HECTD3: variants seen among roughly 807,000 people sequenced by gnomAD.
The protein encoded by HECTD3 is E3 ubiquitin-protein ligase HECTD3.
A neutral mutation model predicts 109.3 loss-of-function variants in HECTD3; 72 were observed. That is an observed-to-expected ratio of 0.66 (90% CI 0.54 to 0.80). HECTD3 has a LOEUF of 0.80. Ranked by LOEUF, HECTD3 falls within the 30% of genes least tolerant of loss-of-function variation. The pLI is 0.00. For missense variants in HECTD3, 1,041 were observed against 1,165.2 expected, an observed-to-expected ratio of 0.89 and a Z score of 1.55; for synonymous variants, 481 against 471.8, an observed-to-expected ratio of 1.02 and a Z score of -0.25.
At chr1:45,009,959 TG>T in intron 4 of HECTD3, 26 bp downstream of exon 4, 1 of 1,517,902 alleles carries the variant, frequency 6.6e-7, no homozygotes, top group South Asian at 1.3e-5. Flanking sequence ...ATATCTTGCC[TG>T]GGGTGGGAGG....
Position 45,007,490 on chromosome 1 carries a change from T to C in HECTD3, c.1426A>G (p.Ile476Val), listed in dbSNP as rs1486298093. The C allele has an allele frequency of 1.2e-6, 2 of 1,614,046 alleles. No individual in the cohort carries two copies. The highest frequency in any genetic ancestry group is 1.1e-5 in the South Asian group (1 of 91,074). Residue 476 changes from isoleucine (I) to valine (V), a missense_variant, in exon 10 of 21, where the codon ATC becomes GTC. Physicochemically the swap from Ile to Val is conservative, Grantham distance 29. Around this residue, in one of 2 missense-constraint regions of HECTD3, gnomAD observed 569 missense variants for 715.3 expected, o/e 0.80. Transcript: ENST00000372172. Reference sequence around the variant, plus strand: ...TGTTCCATGGCAAGACGGCGGTTGATGTATAGGCGTGGCATGAAGCTGGGC... The same window carrying C: ...TGTTCCATGGCAAGACGGCGGTTGACGTATAGGCGTGGCATGAAGCTGGGC... ...SKPSFMPRLY[I>V]NRRLAMEHRA...
rs1253824085 is a variant in HECTD3, at chr1:45,008,626, T to C, written c.1148A>G (p.Asp383Gly). 6 of 1,613,918 alleles carry C rather than the reference T, an allele frequency of 3.7e-6. No homozygotes were observed. The South Asian group carries it at 5.5e-5, about 15-fold the overall frequency. Residue 383 changes from aspartate to glycine, a missense_variant, in exon 8 of 21, where the codon GAC (aspartate) becomes GGC (glycine). Around this residue, in one of 2 missense-constraint regions of HECTD3, gnomAD observed 569 missense variants for 715.3 expected, o/e 0.80. Coordinates refer to ENST00000372172, the MANE Select transcript of HECTD3 (RefSeq NM_024602.6). ...CACCAGACTAGTTGGCTGGAACAGGTCTGCATTCAACCCTAGTTCCCGCTG... is the reference window on the plus strand; with the variant it reads ...CACCAGACTAGTTGGCTGGAACAGGCCTGCATTCAACCCTAGTTCCCGCTG... ...SRQRELGLNA[D>G]LFQPTSLVRY...
At position 45,010,204 on chromosome 1, in the gene HECTD3, A is replaced by C; in HGVS notation, c.620T>G (p.Leu207Arg). 6.2e-7 allele frequency: 1 copy of C among 1,613,920 alleles called. No homozygotes were observed. Among genetic ancestry groups the C allele is most frequent in the Non-Finnish European group, 8.5e-7 (1 of 1,179,970 alleles). The change falls in exon 3 of 21, where the codon CTA (leucine) becomes CGA (arginine). Residue 207 changes from leucine to arginine, a missense_variant. Transcript: ENST00000372172. ...CACCCCATTCCAGCTCACTCACAGT[A>C]GCCTTTGTACAGCTTCTGCGTATGC... ...AEAYAEAVQR[L>R]LYVPPTWTYE...
chr1:45,006,011 C>A lies in HECTD3; in HGVS notation c.1831G>T (p.Gly611Cys). 6.2e-7 allele frequency: 1 copy of A among 1,614,036 alleles called. No individual in the cohort carries two copies. The highest frequency in any genetic ancestry group is 8.5e-7 in the Non-Finnish European group (1 of 1,179,956). ...AGGCTACTCACCAGGAACTCCTTAC[C>A]CCGAAGGGCAGCCCCCATCAGCTGT... ...IGQLMGAALR[G>C]KEFLVLALPG... Residue 611 changes from glycine (G) to cysteine (C), a missense_variant, in exon 14 of 21, where the codon GGT (glycine) becomes TGT (cysteine). Transcript: ENST00000372172. The surrounding 1 kb of genome is among the most constrained non-coding windows in gnomAD (Gnocchi z 4.7).
chr1:45,005,693 G>T, intron 15 of HECTD3, 101 bp downstream of exon 15: 1 of 913,118 alleles, frequency 1.1e-6, no homozygotes, highest in Non-Finnish European at 1.7e-6. Flanking sequence ...GATTGGAGAG[G>T]GATCTTGTGT....
Position 45,005,862 on chromosome 1 carries a change from C to T in HECTD3, c.1867G>A (p.Val623Met). The T allele has an allele frequency of 1.9e-6, 3 of 1,608,896 alleles. No homozygotes were observed. Among genetic ancestry groups the T allele is most frequent in the Non-Finnish European group, 2.5e-6 (3 of 1,177,286 alleles). The change falls in exon 15 of 21, where the codon GTG becomes ATG. Residue 623 changes from valine (V) to methionine (M), a missense_variant. Val to Met is a conservative substitution (Grantham distance 21, BLOSUM62 1). Around this residue, in one of 2 missense-constraint regions of HECTD3, gnomAD observed 569 missense variants for 715.3 expected, o/e 0.80. Transcript: ENST00000372172. ...TCCTCACCAGAAAGCTGCTTCCACA[C>T]AAAACCAGGCAGGGCCAGGACCTGT... Reference protein sequence around the residue: ...EFLVLALPGFVWKQLSGEEVS... With the variant: ...EFLVLALPGFMWKQLSGEEVS...
intron 16 of HECTD3, 36 bp from the exon 17 acceptor site, chr1:45,004,413 G>A (rs374244630): frequency 3.0e-5 from 48 of 1,613,306 alleles, no homozygotes; most frequent in Middle Eastern, 1.6e-4. Context: ...CTGGGGAAGA[G>A]GGCACACCTC....
intron 2 of HECTD3, 77 bp from the exon 3 acceptor site, chr1:45,010,370 T>C: frequency 6.8e-7 from 1 of 1,477,638 alleles, no homozygotes; most frequent in South Asian, 1.1e-5. Flanking sequence ...CGTGTAGCCT[T>C]CTTCAGGGCT....
Position 45,004,104 on chromosome 1 carries a change from G to C in HECTD3, c.2303C>G (p.Ser768Trp), listed in dbSNP as rs1644713814. 6.2e-7 allele frequency: 1 copy of C among 1,613,928 alleles called. No individual in the cohort carries two copies. The highest frequency in any genetic ancestry group is 1.3e-5 in the African/African-American group (1 of 74,894). The change falls in exon 18 of 21, where the codon TCG (serine) becomes TGG (tryptophan). Residue 768 changes from serine to tryptophan, a missense_variant. Physicochemically the swap from Ser to Trp is radical, Grantham distance 177 (BLOSUM62 -3). Around this residue, in one of 2 missense-constraint regions of HECTD3, gnomAD observed 569 missense variants for 715.3 expected, o/e 0.80. Coordinates refer to ENST00000372172, the MANE Select transcript of HECTD3 (RefSeq NM_024602.6). The stretch of plus-strand genomic sequence containing the variant: ...TGCCTCCCAGAAATACTGCACCCGC[G>C]AGTCAGATGGCTCGAAGTCCTCAAA... ...TRFEDFEPSDSRVQYFWEALN... is the reference protein window; with the variant it reads ...TRFEDFEPSDWRVQYFWEALN...
At chr1:45,010,414 G>A (rs373473268) in intron 2 of HECTD3, 121 bp from the exon 3 acceptor site, 2 of 1,458,108 alleles carry the variant, frequency 1.4e-6, no homozygotes, top group East Asian at 2.3e-5. Context: ...CCCCCTTCAC[G>A]TCCCGCCCCT....
chr1:45,010,237 G>T lies in HECTD3; in HGVS notation c.587C>A (p.Pro196Gln), dbSNP rs375183481. The T allele has an allele frequency of 1.7e-5, 27 of 1,613,786 alleles. No homozygotes were observed. The highest frequency in any genetic ancestry group is 1.7e-5 in the Non-Finnish European group (20 of 1,179,970). The change falls in exon 3 of 21, where the codon CCG (proline) becomes CAG (glutamine). Residue 196 changes from proline to glutamine, a missense_variant. Coordinates refer to ENST00000372172, the MANE Select transcript of HECTD3 (RefSeq NM_024602.6). ...TACAGCTTCTGCGTATGCCTCTGCC[G>T]GCTGAGGTCTCGATCCCAGGCGATG... Reference protein sequence around the residue: ...YSHRLGSRPQPAEAYAEAVQR... With the variant: ...YSHRLGSRPQQAEAYAEAVQR...
chr1:45,004,498 A>G, intron 16 of HECTD3, 102 bp downstream of exon 16: 2 of 1,589,698 alleles, frequency 1.3e-6, no homozygotes, highest in South Asian at 2.2e-5. Flanking sequence ...TGGGGGCCAG[A>G]GTTCTTGGAG....
Position 45,006,682 on chromosome 1 carries a change from C to T in HECTD3, c.1725+10G>A, listed in dbSNP as rs760830076. The T allele has an allele frequency of 4.8e-5, 77 of 1,605,798 alleles. No homozygotes were observed. Among genetic ancestry groups the T allele is most frequent in the Admixed American group, 1.2e-4 (7 of 59,110 alleles). On this transcript the variant is annotated intron_variant, in intron 13 of 20. Coordinates refer to ENST00000372172, the MANE Select transcript of HECTD3 (RefSeq NM_024602.6). This position sits in a 1 kb window ranked among gnomAD's most constrained non-coding sequence, Gnocchi z 4.7. ...CCTGGGAGGTTTGCAGAGATGGAAACGGAGATTACCTGGTTGGCTGTGCGT... is the reference window on the plus strand; with the variant it reads ...CCTGGGAGGTTTGCAGAGATGGAAATGGAGATTACCTGGTTGGCTGTGCGT...
In HECTD3 at chr1:45,008,417, G is replaced by T. The variant is rs763393560; in HGVS notation, c.1239-96C>A. On this transcript the variant is annotated intron_variant, in intron 8 of 20. Coordinates refer to ENST00000372172, the MANE Select transcript of HECTD3 (RefSeq NM_024602.6). ...AGGGACAGGAAAAGGCAGGACCTGG[G>T]GGCTTCTCTGACCCTTGAACAGCTT... 6 of 1,483,532 alleles carry T rather than the reference G, an allele frequency of 4.0e-6. No individual in the cohort carries two copies. In the African/African-American group the frequency reaches 8.3e-5, roughly 21 times the overall value. The allele number at this position is 1,483,532 out of a possible 1,614,324, so 91.9% of individuals were successfully genotyped here. A position where few individuals can be genotyped will look rare whatever the true frequency, so the allele number is the denominator to read the frequency against.
intron 7 of HECTD3, 33 bp downstream of exon 7, chr1:45,009,111 C>A (rs1322842561): frequency 6.5e-7 from 1 of 1,546,814 alleles, no homozygotes; most frequent in African/African-American, 1.4e-5. Context: ...CCACGCCGGG[C>A]TCTCTTTCCC....
chr1:45,008,147 C>T (rs1196790365), intron 9 of HECTD3, 93 bp downstream of exon 9: 7 of 982,384 alleles, frequency 7.1e-6, no homozygotes, highest in Non-Finnish European at 1.1e-5. Flanking sequence ...AGGTCTTGCC[C>T]TAGAGTAGAT....
Position 45,003,633 on chromosome 1 carries a change from C to T in HECTD3, c.2501+36G>A, listed in dbSNP as rs1644709761. On this transcript the variant is annotated intron_variant, in intron 20 of 20. Transcript: ENST00000372172. This position sits in a 1 kb window ranked among gnomAD's most constrained non-coding sequence, Gnocchi z 4.7. The stretch of plus-strand genomic sequence containing the variant: ...CATCGCTACCAGGGGTGATGGGGTC[C>T]CCTGGGCCCCAAATCGAGCCTAGGA... The T allele has an allele frequency of 6.2e-7, 1 of 1,613,706 alleles. No homozygotes were observed. Among genetic ancestry groups the T allele is most frequent in the Non-Finnish European group, 8.5e-7 (1 of 1,179,620 alleles).
chr1:45,005,766 G>T (rs1644730105), intron 15 of HECTD3, 28 bp downstream of exon 15: 2 of 1,551,344 alleles, frequency 1.3e-6, no homozygotes, highest in Non-Finnish European at 1.7e-6. Context: ...GCTGGGCAGA[G>T]GAAACACTGG....
At chr1:45,010,821 G>C (rs1644784071) in intron 1 of HECTD3, 68 bp downstream of exon 1, 2 of 1,504,830 alleles carry the variant, frequency 1.3e-6, no homozygotes, top group Non-Finnish European at 8.8e-7. Flanking sequence ...GGGGAGAAAA[G>C]GCAAACAGCC....
Sources: gnomAD v4.1 joint callset for allele counts on GRCh38, gnomAD v4.1.1 for gene constraint, gnomAD v4.1.1 regional missense constraint, Gnocchi (gnomAD v3.1) non-coding constraint, MANE v1.5 for transcripts, NCBI Gene and HGNC (gene_info 2026-07-23, HGNC 2026-07-21) for gene names.